The following NPAS3 variants were observed in gnomAD, a reference collection of about 807,000 sequenced individuals.
The protein encoded by NPAS3 is neuronal PAS domain protein 3, also known as neuronal PAS domain-containing protein 3.
Under a neutral mutation model 73.1 loss-of-function variants are expected in NPAS3, and 14 were observed. That is an observed-to-expected ratio of 0.19 (90% CI 0.13 to 0.30). The LOEUF (loss-of-function observed/expected upper bound fraction) is 0.30. NPAS3 is among the 10% of genes least tolerant of loss of function. The probability of loss-of-function intolerance (pLI) is 1.00; values close to 1 mark genes in which losing one functional copy is unlikely to be tolerated. For missense variants in NPAS3, 1,096 were observed against 1,250.0 expected, an observed-to-expected ratio of 0.88 and a Z score of 1.86; for synonymous variants, 620 against 541.5, an observed-to-expected ratio of 1.14 and a Z score of -2.01.
At chr14:33,231,100 A>G (rs1270302680) in intron 3 of NPAS3, among the ~76,000 whole-genome samples, 2 of 152,188 alleles carry the variant, frequency 1.3e-5, no homozygotes, top group African/African-American at 4.8e-5. Context: ...GAAAATTACA[A>G]TTCTGTTTGC....
chr14:33,361,014 C>G (rs777065988), intron 3 of NPAS3, among the ~76,000 whole-genome samples: 1 of 152,082 alleles, frequency 6.6e-6, no homozygotes, highest in African/African-American at 2.4e-5. Context: ...GGTTCTCTCA[C>G]GAAGAATGTT....
chr14:33,566,287 G>C (rs1163107214), intron 5 of NPAS3, among the ~76,000 whole-genome samples: 1 of 151,794 alleles, frequency 6.6e-6, no homozygotes, highest in Non-Finnish European at 1.5e-5. Flanking sequence ...GTGCTTGACA[G>C]AGATAATCTC....
intron 4 of NPAS3, among the ~76,000 whole-genome samples, chr14:33,519,806 T>A (rs911704967): frequency 6.6e-5 from 10 of 152,090 alleles, no homozygotes; most frequent in African/African-American, 2.2e-4. Context: ...ACACCCACAT[T>A]TGTGTTTGAA....
At chr14:33,649,035 A>G (rs574673579) in intron 5 of NPAS3, among the ~76,000 whole-genome samples, 1 of 152,262 alleles carries the variant, frequency 6.6e-6, no homozygotes, top group East Asian at 1.9e-4. Flanking sequence ...AGGTAGAGGG[A>G]AGCACCCTAT....
intron 4 of NPAS3, among the ~76,000 whole-genome samples, chr14:33,443,916 C>A (rs1314211157): frequency 2.0e-5 from 3 of 152,154 alleles, no homozygotes; most frequent in South Asian, 4.2e-4. Flanking sequence ...GAAAGTTAAC[C>A]TTTTATGTGA....
chr14:33,659,661 G>A (rs1307696288), intron 5 of NPAS3, among the ~76,000 whole-genome samples: 1 of 152,072 alleles, frequency 6.6e-6, no homozygotes, highest in Non-Finnish European at 1.5e-5. Flanking sequence ...TTGTAAGGAA[G>A]GGCTGACTGT....
At chr14:33,259,614 GGGGGAGA>G (rs2048897575) in intron 3 of NPAS3, among the ~76,000 whole-genome samples, 1 of 152,100 alleles carries the variant, frequency 6.6e-6, no homozygotes, top group Non-Finnish European at 1.5e-5. Context: ...AATATTTTGA[GGGGGAGA>G]CATATTGTAA....
intron 2 of NPAS3, among the ~76,000 whole-genome samples, chr14:33,196,432 A>C (rs868544450): frequency 3.3e-5 from 5 of 152,344 alleles, no homozygotes; most frequent in Middle Eastern, 3.4e-3. Flanking sequence ...TCTACTTTTC[A>C]ACAGGCCATC....
chr14:33,356,433 A>G (rs1264746162), intron 3 of NPAS3, among the ~76,000 whole-genome samples: 2 of 152,222 alleles, frequency 1.3e-5, no homozygotes, highest in Non-Finnish European at 2.9e-5. Flanking sequence ...GGAGCAGTGT[A>G]TAATTCCACA....
chr14:33,344,878 G>A (rs959394516), intron 3 of NPAS3, among the ~76,000 whole-genome samples: 15 of 152,298 alleles, frequency 9.8e-5, no homozygotes, highest in Admixed American at 3.3e-4. Flanking sequence ...GGAAGTCACA[G>A]GCATCATGCT....
At chr14:33,371,649 A>G (rs1566841537) in intron 4 of NPAS3, among the ~76,000 whole-genome samples, 2 of 152,194 alleles carry the variant, frequency 1.3e-5, no homozygotes, top group South Asian at 2.1e-4. Flanking sequence ...TTTTGATTAC[A>G]TCTAAAAATG....
At position 33,510,094 on chromosome 14, in the gene NPAS3, A is replaced by T. The variant is rs1429609110; in HGVS notation, c.469-50027A>T. ...AGCTCTCAGGACATGCTCCTCCATA[A>T]CGGTCTTGCAATTTCCAGTGCGAGC... On this transcript the variant is annotated intron_variant, in intron 4 of 11. Coordinates refer to ENST00000356141, the Ensembl canonical transcript of NPAS3. 2.6e-5 allele frequency among the ~76,000 whole-genome samples: 4 copies of T among 151,996 alleles called. No individual in the cohort carries two copies. In the South Asian group the frequency reaches 8.3e-4, roughly 32 times the overall value.
At chr14:33,098,727 A>T (rs1025522073) in intron 2 of NPAS3, among the ~76,000 whole-genome samples, 1 of 152,250 alleles carries the variant, frequency 6.6e-6, no homozygotes, top group Non-Finnish European at 1.5e-5. Context: ...TAGACTTTTC[A>T]TATTTCACAT....
intron 3 of NPAS3, among the ~76,000 whole-genome samples, chr14:33,252,979 T>C (rs2048643682): frequency 6.6e-6 from 1 of 152,124 alleles, no homozygotes. Flanking sequence ...ATTTCATTCT[T>C]TTTTATGGCC....
intron 5 of NPAS3, among the ~76,000 whole-genome samples, chr14:33,635,578 A>C (rs2058491777): frequency 6.6e-6 from 1 of 152,136 alleles, no homozygotes; most frequent in African/African-American, 2.4e-5. Context: ...TCTCCCAACA[A>C]GTTTCCCTGA....
chr14:33,673,228 C>T (rs1423235596), intron 5 of NPAS3, among the ~76,000 whole-genome samples: 6 of 152,170 alleles, frequency 3.9e-5, no homozygotes, highest in Non-Finnish European at 8.8e-5. Context: ...TCTATGGCTG[C>T]CAGTGCTACT....
intron 7 of NPAS3, among the ~76,000 whole-genome samples, chr14:33,737,526 C>G (rs970780651): frequency 7.2e-5 from 11 of 152,116 alleles, no homozygotes; most frequent in African/African-American, 2.4e-4. Context: ...CCATGAGAGT[C>G]TCCAGCCGAT....
At chr14:32,974,550 A>T (rs1045772974) in intron 1 of NPAS3, among the ~76,000 whole-genome samples, 4 of 151,412 alleles carry the variant, frequency 2.6e-5, no homozygotes. Context: ...AAGATTAGTT[A>T]TTTTTTTTTC....
chr14:33,459,615 CATG>C (rs1157552735), intron 4 of NPAS3, among the ~76,000 whole-genome samples: 1 of 152,174 alleles, frequency 6.6e-6, no homozygotes, highest in Admixed American at 6.6e-5. Flanking sequence ...AATTTTATCT[CATG>C]GTGTTGCTAG....
Sources: gnomAD v4.1 joint callset for allele counts (sites outside exome capture counted in the v4.1 genomes callset) on GRCh38, gnomAD v4.1.1 for gene constraint, MANE v1.5 for transcripts, NCBI Gene and HGNC (gene_info 2026-07-23, HGNC 2026-07-21) for gene names.